ARHGAP24: variants seen among roughly 807,000 people sequenced by gnomAD.
ARHGAP24 encodes Rho GTPase activating protein 24, also known as rho GTPase-activating protein 24.
A neutral mutation model predicts 76.4 loss-of-function variants in ARHGAP24; 50 were observed. The ratio of observed to expected loss-of-function variants is 0.65; its 90% CI spans 0.52 to 0.83. The LOEUF is 0.83. Ranked by LOEUF, ARHGAP24 falls within the 40% of genes least tolerant of loss-of-function variation. The pLI, the probability that ARHGAP24 is intolerant of heterozygous loss-of-function variation, is 0.00. For synonymous variants in ARHGAP24, 345 were observed against 323.3 expected (o/e 1.07, Z -0.72); for missense variants, 930 against 914.2 (o/e 1.02, Z -0.22).
chr4:85,705,966 G>C (rs936546520), intron 2 of ARHGAP24, among the ~76,000 whole-genome samples: 25 of 152,156 alleles, frequency 1.6e-4, no homozygotes, highest in African/African-American at 5.8e-4. Flanking sequence ...GGCATGGTAG[G>C]TGTCTTTAAA....
At chr4:85,834,965 C>G (rs1319295721) in intron 3 of ARHGAP24, among the ~76,000 whole-genome samples, 31 of 152,128 alleles carry the variant, frequency 2.0e-4, no homozygotes, top group Admixed American at 2.0e-3. Flanking sequence ...AGTGTAATGA[C>G]TAAGTATCAG....
At chr4:85,758,066 A>C (rs1325357674) in intron 3 of ARHGAP24, among the ~76,000 whole-genome samples, 1 of 152,036 alleles carries the variant, frequency 6.6e-6, no homozygotes, top group Non-Finnish European at 1.5e-5. Context: ...GAAGGGGGAA[A>C]AAAAAGCCTA....
At chr4:85,614,928 T>C (rs1007280948) in intron 2 of ARHGAP24, among the ~76,000 whole-genome samples, 1 of 152,102 alleles carries the variant, frequency 6.6e-6, no homozygotes, top group African/African-American at 2.4e-5. Flanking sequence ...CATCATTACA[T>C]TGTTTTTATT....
intron 2 of ARHGAP24, among the ~76,000 whole-genome samples, chr4:85,573,002 A>G (rs1465725105): frequency 6.7e-6 from 1 of 149,372 alleles, no homozygotes; most frequent in African/African-American, 2.5e-5. Context: ...TCAGGACCCC[A>G]AGTAGCTGGG....
At chr4:85,650,658 G>T (rs1482647726) in intron 2 of ARHGAP24, among the ~76,000 whole-genome samples, 1 of 149,252 alleles carries the variant, frequency 6.7e-6, no homozygotes, top group Non-Finnish European at 1.5e-5. Context: ...TATGTAGAAT[G>T]CAATTTGTGA....
chr4:85,946,293 G>A (rs1737262029), intron 5 of ARHGAP24, among the ~76,000 whole-genome samples: 1 of 152,082 alleles, frequency 6.6e-6, no homozygotes. Context: ...TATTTAAAAT[G>A]TATATTTTTT....
intron 3 of ARHGAP24, among the ~76,000 whole-genome samples, chr4:85,854,150 A>G (rs867785885): frequency 3.0e-4 from 45 of 151,536 alleles, no homozygotes; most frequent in Non-Finnish European, 4.7e-4. Context: ...AAAAAAAAAA[A>G]AAAAAGAAAA....
At chr4:85,896,281 C>T (rs937046305) in intron 3 of ARHGAP24, among the ~76,000 whole-genome samples, 1 of 152,094 alleles carries the variant, frequency 6.6e-6, no homozygotes. Context: ...TTTATGTTTA[C>T]GATTAGTTTT....
intron 2 of ARHGAP24, among the ~76,000 whole-genome samples, chr4:85,705,376 T>C (rs952133000): frequency 1.8e-4 from 27 of 152,214 alleles, no homozygotes; most frequent in Admixed American, 7.9e-4. Flanking sequence ...ATAAGACATA[T>C]ACATATTGAA....
chr4:85,671,714 G>A lies in ARHGAP24; in HGVS notation c.181-50171G>A, dbSNP rs138372726. The stretch of plus-strand genomic sequence containing the variant: ...TATGTGATTCAGAGCAGAGCTTTCT[G>A]TAGAACTTTTCTTACACTGACTTCT... On this transcript the variant is annotated intron_variant, in intron 2 of 9. Coordinates refer to ENST00000395184, the MANE Select transcript of ARHGAP24 (RefSeq NM_001025616.3). Among the ~76,000 whole-genome samples, 351 of 152,258 alleles carry A rather than the reference G, an allele frequency of 2.3e-3. 8 individuals carry two copies. The highest frequency in any genetic ancestry group is 0.02 in the Admixed American group (306 of 15,286).
intron 3 of ARHGAP24, among the ~76,000 whole-genome samples, chr4:85,817,683 A>G (rs1258651138): frequency 6.6e-6 from 1 of 152,228 alleles, no homozygotes; most frequent in Non-Finnish European, 1.5e-5. Context: ...TAAAAAGTAC[A>G]GTGAAGGTAA....
chr4:85,927,745 T>A (rs1736095053), intron 4 of ARHGAP24, among the ~76,000 whole-genome samples: 1 of 152,232 alleles, frequency 6.6e-6, no homozygotes, highest in Non-Finnish European at 1.5e-5. Flanking sequence ...GGCATTTCAT[T>A]GTGGCAATTT....
At chr4:85,490,095 A>G (rs1299954081) in intron 1 of ARHGAP24, among the ~76,000 whole-genome samples, 1 of 152,170 alleles carries the variant, frequency 6.6e-6, no homozygotes, top group Non-Finnish European at 1.5e-5. Context: ...TCATATTACC[A>G]TGGGCCTGGA....
At chr4:85,890,138 A>G (rs1207696955) in intron 3 of ARHGAP24, among the ~76,000 whole-genome samples, 2 of 152,202 alleles carry the variant, frequency 1.3e-5, no homozygotes, top group African/African-American at 4.8e-5. Flanking sequence ...GTTGAGGACA[A>G]TCAGCGCCTT....
chr4:85,513,257 A>G (rs552154337), intron 1 of ARHGAP24, among the ~76,000 whole-genome samples: 6 of 152,346 alleles, frequency 3.9e-5, no homozygotes, highest in African/African-American at 1.4e-4. Context: ...CCAAACCTTC[A>G]GTGGACACCT....
chr4:85,908,872 AG>A (rs979725782), intron 3 of ARHGAP24, among the ~76,000 whole-genome samples: 2 of 152,094 alleles, frequency 1.3e-5, no homozygotes, highest in African/African-American at 4.8e-5. Flanking sequence ...AAAAAAAAAA[AG>A]AAAGCCTTAA....
intron 1 of ARHGAP24, among the ~76,000 whole-genome samples, chr4:85,538,967 G>A (rs1402340466): frequency 2.6e-5 from 4 of 152,084 alleles, no homozygotes; most frequent in Non-Finnish European, 4.4e-5. Context: ...CAAAGAATTC[G>A]TTTCCACTTT....
chr4:85,534,846 T>C (rs1421024426), intron 1 of ARHGAP24, among the ~76,000 whole-genome samples: 1 of 150,722 alleles, frequency 6.6e-6, no homozygotes, highest in Admixed American at 6.6e-5. Context: ...AGTGACTGAA[T>C]AGGTGAACAT....
chr4:85,728,032 T>C (rs1725234850), intron 3 of ARHGAP24, among the ~76,000 whole-genome samples: 1 of 151,672 alleles, frequency 6.6e-6, no homozygotes, highest in Non-Finnish European at 1.5e-5. Context: ...AAAAAAAAGA[T>C]GTTATTTATC....
Sources: allele counts gnomAD v4.1 joint callset (sites outside exome capture counted in the v4.1 genomes callset), GRCh38; gene constraint gnomAD v4.1.1; transcripts MANE v1.5; gene names NCBI Gene and HGNC (gene_info 2026-07-23, HGNC 2026-07-21).